The following ERICH6B variants were observed in gnomAD, a reference collection of about 807,000 sequenced individuals.
ERICH6B encodes the protein glutamate-rich protein 6B.
ERICH6B carries 69 observed loss-of-function variants against 80.0 expected under a neutral mutation model. That is an observed-to-expected ratio of 0.86 (90% CI 0.71 to 1.05). The LOEUF is 1.05. ERICH6B is among the 50% of genes least tolerant of loss of function. The pLI, the probability that ERICH6B is intolerant of heterozygous loss-of-function variation, is 0.00. For missense variants in ERICH6B, 754 were observed against 796.1 expected (o/e 0.95, Z 0.64); for synonymous variants, 283 against 291.9 (o/e 0.97, Z 0.31).
intron 11 of ERICH6B, among the ~76,000 whole-genome samples, chr13:45,551,312 G>A (rs1447527869): frequency 3.3e-5 from 5 of 151,692 alleles, no homozygotes; most frequent in Admixed American, 6.6e-5. Flanking sequence ...TATCATTATC[G>A]TTTATATCCT....
At chr13:45,566,097 TG>T (rs1377019932) in intron 9 of ERICH6B, among the ~76,000 whole-genome samples, 1 of 152,194 alleles carries the variant, frequency 6.6e-6, no homozygotes, top group Admixed American at 6.5e-5. Context: ...TTTTTGCCCC[TG>T]CCCTAGAGAT....
chr13:45,591,197 A>C (rs1327867274), intron 3 of ERICH6B, among the ~76,000 whole-genome samples: 1 of 152,250 alleles, frequency 6.6e-6, no homozygotes, highest in African/African-American at 2.4e-5. Flanking sequence ...CAGTAGAGAA[A>C]CGAGAACCAG....
Position 45,541,398 on chromosome 13 carries a change from T to TC in ERICH6B, c.*63dup. On this transcript the variant is annotated 3_prime_UTR_variant, in exon 15 of 15. Coordinates refer to ENST00000298738, the MANE Select transcript of ERICH6B (RefSeq NM_182542.3). ...GGTCAACAGGTCTTTGGGTTTTTTT[T>TC]CCCTGGAGCTCCCAAGGTCTCCAAC... The TC allele has an allele frequency of 7.0e-7, 1 of 1,427,504 alleles. No homozygotes were observed. The highest frequency in any genetic ancestry group is 1.4e-5 in the African/African-American group (1 of 69,486). 88.4% of individuals were successfully genotyped at this position (1,427,504 alleles called of 1,614,324 possible).
chr13:45,561,506 T>G lies in ERICH6B; in HGVS notation c.1270A>C (p.Thr424Pro). The G allele has an allele frequency of 3.9e-6, 6 of 1,551,758 alleles. No individual in the cohort carries two copies. Among genetic ancestry groups the G allele is most frequent in the Non-Finnish European group, 5.2e-6 (6 of 1,147,016 alleles). Residue 424 changes from threonine (T) to proline (P), a missense_variant, in exon 11 of 15, where the codon ACC becomes CCC. Physicochemically the swap from Thr to Pro is conservative, Grantham distance 38 (BLOSUM62 -1). Transcript: ENST00000298738. ...CTCATTAAATGAAATGTGAAACTGG[T>G]CATCTCTGTTAACTTTTGAGCTGCC... ...RREAQKLTEM[T>P]SFTFHLMSKP...
At chr13:45,580,121 C>G (rs11147979) in intron 6 of ERICH6B, 147 bp from the exon 7 acceptor site, 54,221 of 665,186 alleles carry the variant, frequency 0.082, 3,920 homozygotes, top group African/African-American at 0.28. Context: ...GGGATAAAAG[C>G]CTTCCTTGAT....
intron 2 of ERICH6B, among the ~76,000 whole-genome samples, chr13:45,605,091 C>A (rs1949849991): frequency 6.6e-6 from 1 of 152,038 alleles, no homozygotes; most frequent in South Asian, 2.1e-4. Context: ...ACTTTTCTCC[C>A]GAGGCCCCTC....
intron 11 of ERICH6B, among the ~76,000 whole-genome samples, chr13:45,560,064 G>A (rs566866983): frequency 1.3e-5 from 2 of 152,206 alleles, no homozygotes; most frequent in South Asian, 4.1e-4. Context: ...TCCAATGTTA[G>A]GTGCATATAT....
At chr13:45,583,666 C>G (rs1325607518) in intron 5 of ERICH6B, among the ~76,000 whole-genome samples, 1 of 152,112 alleles carries the variant, frequency 6.6e-6, no homozygotes, top group African/African-American at 2.4e-5. Context: ...GCGGTTTCCC[C>G]CATACTGTTC....
rs17066945 is a variant in ERICH6B, at chr13:45,586,773, G to A, written c.856+290C>T. Reference sequence around the variant, plus strand: ...TCATGTAGAACAAGAATAGGAAGACGAATGAAAAACAGGGGAAGAGACGGA... The same window carrying A: ...TCATGTAGAACAAGAATAGGAAGACAAATGAAAAACAGGGGAAGAGACGGA... On this transcript the variant is annotated intron_variant, in intron 5 of 14. Transcript: ENST00000298738. Among the ~76,000 whole-genome samples, 757 of 152,230 alleles carry A rather than the reference G, an allele frequency of 5.0e-3. 8 individuals carry two copies. The highest frequency in any genetic ancestry group is 0.017 in the African/African-American group (714 of 41,532).
chr13:45,566,654 C>T (rs531870914), intron 9 of ERICH6B, among the ~76,000 whole-genome samples: 2 of 152,378 alleles, frequency 1.3e-5, no homozygotes, highest in South Asian at 4.1e-4. Context: ...GGTTTGGGAA[C>T]CTCTGCCTAG....
chr13:45,566,897 G>A (rs1874937147), intron 9 of ERICH6B, among the ~76,000 whole-genome samples: 1 of 152,242 alleles, frequency 6.6e-6, no homozygotes, highest in Non-Finnish European at 1.5e-5. Context: ...ATTTGGAAAA[G>A]CCTTAGACAC....
Position 45,567,668 on chromosome 13 carries a change from C to T in ERICH6B, c.1187+647G>A, listed in dbSNP as rs554664350. Among the ~76,000 whole-genome samples, 7 of 152,296 alleles carry T rather than the reference C, an allele frequency of 4.6e-5. No individual in the cohort carries two copies. The East Asian group carries it at 7.7e-4, about 17-fold the overall frequency. The stretch of plus-strand genomic sequence containing the variant: ...TTAAATATCTTTCTTTTGTAAATTG[C>T]CCAGTCTTGGGTTTTTATCAGCAGC... On this transcript the variant is annotated intron_variant, in intron 9 of 14. Transcript: ENST00000298738.
intron 3 of ERICH6B, 65 bp downstream of exon 3, chr13:45,596,300 TCATC>T (rs1430157856): frequency 6.8e-7 from 1 of 1,470,944 alleles, no homozygotes; most frequent in Non-Finnish European, 9.0e-7. Context: ...ATACTCTTCT[TCATC>T]CAACCTTCTT....
intron 11 of ERICH6B, 82 bp downstream of exon 11, chr13:45,561,287 C>G (rs185584260): frequency 6.8e-4 from 929 of 1,361,596 alleles, no homozygotes; most frequent in Non-Finnish European, 8.5e-4. Flanking sequence ...CCTTACAGCT[C>G]TCTGGTGGTG....
In ERICH6B at chr13:45,565,054, C is replaced by G. The variant is rs572319935; in HGVS notation, c.1188-1266G>C. ...TGAATGCAATTAGGTTAGAATCAGC[C>G]TTTGATACTGTCTAAATGGGAAGAG... On this transcript the variant is annotated intron_variant, in intron 9 of 14. Transcript: ENST00000298738. 6.8e-4 allele frequency among the ~76,000 whole-genome samples: 104 copies of G among 152,206 alleles called. 1 individual carries two copies. Among genetic ancestry groups the G allele is most frequent in the Middle Eastern group, 3.4e-3 (1 of 294 alleles).
chr13:45,575,759 C>A (rs1875374189), intron 7 of ERICH6B, among the ~76,000 whole-genome samples: 1 of 152,232 alleles, frequency 6.6e-6, no homozygotes, highest in Non-Finnish European at 1.5e-5. Context: ...GCTGGTGACT[C>A]TCGGGGCCAG....
At chr13:45,598,534 C>A (rs145694646) in intron 2 of ERICH6B, among the ~76,000 whole-genome samples, 1 of 152,198 alleles carries the variant, frequency 6.6e-6, no homozygotes, top group East Asian at 1.9e-4. Flanking sequence ...TTCTGGGGAA[C>A]CAGCCAGATG....
intron 7 of ERICH6B, among the ~76,000 whole-genome samples, chr13:45,575,690 G>A (rs1875370865): frequency 6.6e-6 from 1 of 152,184 alleles, no homozygotes; most frequent in African/African-American, 2.4e-5. Context: ...CAGTGAGTTG[G>A]ATGGAGAATG....
In ERICH6B at chr13:45,563,747, C is replaced by T. The variant is rs748899069; in HGVS notation, c.1229G>A (p.Arg410Gln). 62 of 1,552,148 alleles carry T rather than the reference C, an allele frequency of 4.0e-5. No individual in the cohort carries two copies. The highest frequency in any genetic ancestry group is 5.1e-5 in the Non-Finnish European group (58 of 1,147,138). The change falls in exon 10 of 15, where the codon CGG becomes CAG. Residue 410 changes from arginine (R) to glutamine (Q), a missense_variant. Arg to Gln is a conservative substitution (Grantham distance 43). Coordinates refer to ENST00000298738, the MANE Select transcript of ERICH6B (RefSeq NM_182542.3). ...CCTACCTTCACGTCTCCTCTTAATC[C>T]GTAAGATTGTTTCCTTGAACTTTTC... ...NYEKFKETILRIKRRREAQKL... is the reference protein window; with the variant it reads ...NYEKFKETILQIKRRREAQKL...
Sources: gnomAD v4.1 joint callset for allele counts (sites outside exome capture counted in the v4.1 genomes callset) on GRCh38, gnomAD v4.1.1 for gene constraint, MANE v1.5 for transcripts, NCBI Gene and HGNC (gene_info 2026-07-23, HGNC 2026-07-21) for gene names.